Variants in LAMA4 observed in about 807,000 individuals in gnomAD.
LAMA4 encodes the protein laminin subunit alpha 4, also known as laminin subunit alpha-4.
LAMA4 carries 127 observed loss-of-function variants against 207.1 expected under a neutral mutation model. The ratio of observed to expected loss-of-function variants is 0.61; its 90% CI spans 0.53 to 0.71. The LOEUF is 0.71. LAMA4 is among the 30% of genes least tolerant of loss of function. The pLI is 0.00. For synonymous variants in LAMA4, 761 were observed against 816.0 expected, an observed-to-expected ratio of 0.93 and a Z score of 1.15; for missense variants, 2,093 against 2,246.5, an observed-to-expected ratio of 0.93 and a Z score of 1.38.
At position 112,190,931 on chromosome 6, in the gene LAMA4, CTTTCTTTCTTTCTTTCCTTTCTTT is replaced by C. The variant is rs1406743596; in HGVS notation, c.718+681_718+704del. On this transcript the variant is annotated intron_variant, in intron 6 of 38. Coordinates refer to ENST00000230538, the MANE Select transcript of LAMA4 (RefSeq NM_001105206.3). ...TCTTTCTTTCTTTCTTTCTTTCTTT[CTTTCTTTCTTTCTTTCCTTTCTTT>C]CTTTCTTTCTTTCTTTCTTTCTTTC... Among the ~76,000 whole-genome samples the C allele has an allele frequency of 5.9e-3, 464 of 79,234 alleles. 1 individual carries two copies. The highest frequency in any genetic ancestry group is 0.017 in the East Asian group (44 of 2,594). The allele number at this position is 79,234 out of a possible 152,430, so 52.0% of individuals were successfully genotyped here.
At chr6:112,147,224 GA>G (rs1193334724) in intron 18 of LAMA4, among the ~76,000 whole-genome samples, 1 of 152,094 alleles carries the variant, frequency 6.6e-6, no homozygotes, top group African/African-American at 2.4e-5. Flanking sequence ...TGTAATAATT[GA>G]ATTTCATATA....
intron 28 of LAMA4, among the ~76,000 whole-genome samples, chr6:112,132,413 A>T (rs2114653814): frequency 6.6e-6 from 1 of 152,224 alleles, no homozygotes; most frequent in East Asian, 1.9e-4. Flanking sequence ...AGGTACTGGT[A>T]ATACTACTGT....
chr6:112,170,020 T>C (rs574809730), intron 12 of LAMA4, among the ~76,000 whole-genome samples: 2 of 152,260 alleles, frequency 1.3e-5, no homozygotes, highest in East Asian at 3.9e-4. Flanking sequence ...GATTATAAAA[T>C]TTACAAAGGA....
rs782373301 is a variant in LAMA4, at chr6:112,114,063, AAAC to A, written c.5326+10_5326+12del. ...TTTGGATTGGGAACTTTTCCTTTTT[AAAC>A]AACACTTACCTGGAACACCTCCAAC... On this transcript the variant is annotated intron_variant, in intron 38 of 38. Transcript: ENST00000230538. The A allele has an allele frequency of 6.2e-7, 1 of 1,613,726 alleles. No individual in the cohort carries two copies. Among genetic ancestry groups the A allele is most frequent in the South Asian group, 1.1e-5 (1 of 91,082 alleles).
At chr6:112,178,325 T>C in intron 9 of LAMA4, 93 bp from the exon 10 acceptor site, 1 of 849,384 alleles carries the variant, frequency 1.2e-6, no homozygotes, top group South Asian at 1.4e-5. Flanking sequence ...ATGTATTTCC[T>C]AAACGTAAAT....
At chr6:112,203,089 C>T (rs1216619638) in intron 4 of LAMA4, among the ~76,000 whole-genome samples, 1 of 152,172 alleles carries the variant, frequency 6.6e-6, no homozygotes, top group Non-Finnish European at 1.5e-5. Flanking sequence ...AAGGCAGACT[C>T]GGTGGCAGGG....
At chr6:112,125,074 A>T (rs541119750) in intron 31 of LAMA4, among the ~76,000 whole-genome samples, 3 of 152,294 alleles carry the variant, frequency 2.0e-5, no homozygotes, top group African/African-American at 7.2e-5. Context: ...AATCTAAGAT[A>T]GGATAGTATT....
chr6:112,168,568 A>T (rs1352216727), intron 12 of LAMA4, among the ~76,000 whole-genome samples: 5 of 150,604 alleles, frequency 3.3e-5, no homozygotes, highest in African/African-American at 1.2e-4. Context: ...CTGATCTTGA[A>T]CTCCTGACCT....
At position 112,178,230 on chromosome 6, in the gene LAMA4, T is replaced by G. The variant is rs557191198; in HGVS notation, c.1080A>C (p.Glu360Asp). Residue 360 changes from glutamate to aspartate, a missense_variant and splice_region_variant, in exon 10 of 39, where the codon GAA (glutamate) becomes GAC (aspartate). Coordinates refer to ENST00000230538, the MANE Select transcript of LAMA4 (RefSeq NM_001105206.3). ...GTTGTCCTTTTCTGGAGGCTTGATT[T>G]TCCTACAAATAATCCGTATAAAGGC... ...LSDVEELVEK[E>D]NQASRKGQLV... 6.2e-7 allele frequency: 1 copy of G among 1,606,952 alleles called. No individual in the cohort carries two copies. Among genetic ancestry groups the G allele is most frequent in the South Asian group, 1.1e-5 (1 of 90,922 alleles).
intron 2 of LAMA4, chr6:112,253,681 G>GA: frequency 1.1e-5 from 16 of 1,509,886 alleles, no homozygotes; most frequent in Non-Finnish European, 1.5e-5. Context: ...GCAGTCCCCG[G>GA]TGAGAGTCTA....
intron 2 of LAMA4, among the ~76,000 whole-genome samples, chr6:112,244,268 T>C: frequency 6.6e-6 from 1 of 152,162 alleles, no homozygotes; most frequent in Non-Finnish European, 1.5e-5. Context: ...ACATGCTAAT[T>C]ATAATACATT....
Position 112,207,031 on chromosome 6 carries a change from G to A in LAMA4, c.412C>T (p.His138Tyr), listed in dbSNP as rs727503113. The change falls in exon 4 of 39, where the codon CAC (histidine) becomes TAC (tyrosine). Residue 138 changes from histidine to tyrosine, a missense_variant. This residue lies in a region of LAMA4 where 1,704 missense variants were observed against 1,788.4 expected (regional missense o/e 0.95). Transcript: ENST00000230538. ...TCCTTTAGGACTTACTTGGCCAAGT[G>A]GGGCAGGGGACAGGGGCACGGCTGG... Reference protein sequence around the residue: ...FCQPCPCPLPHLANFAESCYR... With the variant: ...FCQPCPCPLPYLANFAESCYR... The A allele has an allele frequency of 4.5e-5, 73 of 1,613,778 alleles. No homozygotes were observed. Among genetic ancestry groups the A allele is most frequent in the Non-Finnish European group, 5.7e-5 (67 of 1,179,936 alleles).
intron 2 of LAMA4, among the ~76,000 whole-genome samples, chr6:112,233,374 A>C (rs1785685723): frequency 6.6e-6 from 1 of 152,224 alleles, no homozygotes; most frequent in Non-Finnish European, 1.5e-5. Flanking sequence ...TGTGGAATGC[A>C]TAAACAATTT....
Position 112,140,927 on chromosome 6 carries a change from T to A in LAMA4, c.2814-5A>T, listed in dbSNP as rs111742984. The A allele has an allele frequency of 6.2e-7, 1 of 1,608,318 alleles. No individual in the cohort carries two copies. The highest frequency in any genetic ancestry group is 8.5e-7 in the Non-Finnish European group (1 of 1,174,714). ...ACCTTTCCATGTTTTCCCACCCTAT[T>A]GAGATAAATAATTTTCACTTGTTAT... On this transcript the variant is annotated splice_region_variant and splice_polypyrimidine_tract_variant and intron_variant, in intron 21 of 38. Transcript: ENST00000230538.
intron 5 of LAMA4, among the ~76,000 whole-genome samples, chr6:112,200,535 T>C (rs1783678749): frequency 6.6e-6 from 1 of 152,210 alleles, no homozygotes; most frequent in South Asian, 2.1e-4. Flanking sequence ...TTACTGGGTA[T>C]ATACCCAAAG....
In LAMA4 at chr6:112,187,620, T is replaced by C; in HGVS notation, c.815-19A>G. 6.2e-7 allele frequency: 1 copy of C among 1,612,578 alleles called. No individual in the cohort carries two copies. Among genetic ancestry groups the C allele is most frequent in the Non-Finnish European group, 8.5e-7 (1 of 1,179,342 alleles). On this transcript the variant is annotated intron_variant, in intron 7 of 38. Transcript: ENST00000230538. ...TCACAGCCTGGAGGTGAAACATTTC[T>C]TCAGAATCACAAGTCAAAAGCATGC...
intron 2 of LAMA4, chr6:112,217,569 C>CT (rs1475051354): frequency 1.3e-5 from 2 of 152,058 alleles, no homozygotes; most frequent in Non-Finnish European, 2.9e-5. Flanking sequence ...TTTCCCCTTG[C>CT]TTTTTACTCT....
chr6:112,136,770 TAC>T (rs1420574517), intron 24 of LAMA4, among the ~76,000 whole-genome samples: 3 of 152,082 alleles, frequency 2.0e-5, no homozygotes, highest in Admixed American at 6.6e-5. Flanking sequence ...TTAATATTTA[TAC>T]ACAGTGTAAA....
chr6:112,203,849 T>C (rs1554353317), intron 4 of LAMA4, among the ~76,000 whole-genome samples: 1 of 152,202 alleles, frequency 6.6e-6, no homozygotes, highest in African/African-American at 2.4e-5. Context: ...AGACTTGAGT[T>C]TTCGTGTCTG....
Sources: gnomAD v4.1 joint callset for allele counts (sites outside exome capture counted in the v4.1 genomes callset) on GRCh38, gnomAD v4.1.1 for gene constraint, gnomAD v4.1.1 regional missense constraint, MANE v1.5 for transcripts, NCBI Gene and HGNC (gene_info 2026-07-23, HGNC 2026-07-21) for gene names.